LRRC4C: variants seen among roughly 807,000 people sequenced by gnomAD.
The protein encoded by LRRC4C is leucine rich repeat containing 4C.
LRRC4C carries 5 observed loss-of-function variants against 33.6 expected under a neutral mutation model. The ratio of observed to expected loss-of-function variants is 0.15; its 90% CI spans 0.08 to 0.31. The LOEUF is 0.31. LRRC4C is among the 10% of genes least tolerant of loss of function. The pLI is 1.00. For missense variants in LRRC4C, 560 were observed against 796.7 expected (o/e 0.70, Z 3.58); for synonymous variants, 329 against 302.0 (o/e 1.09, Z -0.93).
intron 1 of LRRC4C, among the ~76,000 whole-genome samples, chr11:41,384,599 T>C (rs1276097653): frequency 6.6e-6 from 1 of 151,308 alleles, no homozygotes; most frequent in Non-Finnish European, 1.5e-5. Flanking sequence ...CTAAATTCAA[T>C]GGTAATGTTT....
At chr11:40,825,692 G>C (rs1435510709) in intron 2 of LRRC4C, among the ~76,000 whole-genome samples, 3 of 151,714 alleles carry the variant, frequency 2.0e-5, no homozygotes, top group African/African-American at 7.3e-5. Context: ...GAGAATAGTA[G>C]AGTAAAACAG....
At chr11:40,782,074 T>A (rs1210378540) in intron 2 of LRRC4C, among the ~76,000 whole-genome samples, 1 of 152,222 alleles carries the variant, frequency 6.6e-6, no homozygotes, top group Non-Finnish European at 1.5e-5. Flanking sequence ...GCCTATTTTT[T>A]CTTCTTCCTT....
chr11:40,709,423 C>T (rs566217195), intron 2 of LRRC4C, among the ~76,000 whole-genome samples: 14 of 152,022 alleles, frequency 9.2e-5, no homozygotes, highest in Non-Finnish European at 1.9e-4. Context: ...CTCTCAGCAT[C>T]TGCTTGTCTG....
intron 1 of LRRC4C, among the ~76,000 whole-genome samples, chr11:41,285,436 T>G (rs909071774): frequency 7.9e-5 from 12 of 152,236 alleles, no homozygotes; most frequent in African/African-American, 2.9e-4. Context: ...TATTGATTAT[T>G]AAAAATTTGA....
chr11:40,952,112 G>C (rs938594975), intron 1 of LRRC4C, among the ~76,000 whole-genome samples: 1 of 151,770 alleles, frequency 6.6e-6, no homozygotes, highest in African/African-American at 2.4e-5. Flanking sequence ...TACTGTCCAA[G>C]GCATCTTACA....
At chr11:40,381,457 A>T (rs1948863725) in intron 3 of LRRC4C, among the ~76,000 whole-genome samples, 1 of 152,222 alleles carries the variant, frequency 6.6e-6, no homozygotes, top group South Asian at 2.1e-4. Context: ...TCTGCCGTCA[A>T]CCTTCAACAT....
At chr11:41,413,378 TAATGAAAAGTGGTTGG>T (rs1249353597) in intron 1 of LRRC4C, among the ~76,000 whole-genome samples, 1 of 152,178 alleles carries the variant, frequency 6.6e-6, no homozygotes, top group Admixed American at 6.5e-5. Flanking sequence ...ATTAGTTAAT[TAATGAAAAGTGGTTGG>T]AATGAAAAGT....
chr11:40,458,013 G>T (rs1489231945), intron 3 of LRRC4C, among the ~76,000 whole-genome samples: 3 of 152,086 alleles, frequency 2.0e-5, no homozygotes, highest in African/African-American at 7.2e-5. Context: ...TCTGCCTAAA[G>T]TAATGTAGAT....
chr11:41,446,864 C>A (rs1477575664), intron 1 of LRRC4C, among the ~76,000 whole-genome samples: 1 of 152,118 alleles, frequency 6.6e-6, no homozygotes, highest in Non-Finnish European at 1.5e-5. Context: ...TGTTGCTAGA[C>A]CATGTGCACC....
intron 3 of LRRC4C, among the ~76,000 whole-genome samples, chr11:40,564,314 G>T (rs1237512560): frequency 6.6e-6 from 1 of 152,170 alleles, no homozygotes; most frequent in Non-Finnish European, 1.5e-5. Context: ...GAGCAAAAAG[G>T]CTCATAGAGC....
intron 1 of LRRC4C, among the ~76,000 whole-genome samples, chr11:41,194,665 C>CA (rs555279945): frequency 1.0e-3 from 152 of 152,036 alleles, no homozygotes; most frequent in Non-Finnish European, 1.7e-3. Context: ...AAAACGATGC[C>CA]AAAAAACATG....
chr11:40,275,957 C>T (rs1451266094), intron 4 of LRRC4C, among the ~76,000 whole-genome samples: 1 of 151,930 alleles, frequency 6.6e-6, no homozygotes, highest in Non-Finnish European at 1.5e-5. Flanking sequence ...GCACATAGAA[C>T]AATTACTTAT....
chr11:40,366,111 G>C (rs1244963953), intron 3 of LRRC4C, among the ~76,000 whole-genome samples: 1 of 152,042 alleles, frequency 6.6e-6, no homozygotes, highest in Non-Finnish European at 1.5e-5. Flanking sequence ...AAAATGAGGA[G>C]ACAAAGTTAG....
intron 1 of LRRC4C, among the ~76,000 whole-genome samples, chr11:41,381,067 T>C (rs1953127577): frequency 6.6e-6 from 1 of 152,188 alleles, no homozygotes; most frequent in Middle Eastern, 3.4e-3. Flanking sequence ...ACTTGTAAAG[T>C]GGTTCCAGGC....
chr11:41,281,078 C>CTCTCTCTCCT (rs1491428513), intron 1 of LRRC4C, among the ~76,000 whole-genome samples: 9 of 83,142 alleles, frequency 1.1e-4, no homozygotes, highest in African/African-American at 3.2e-4. Context: ...CTCTCTCTGT[C>CTCTCTCTCCT]CTCTCTCTCT....
In LRRC4C at chr11:40,147,194, A is replaced by T. The variant is rs185513728; in HGVS notation, c.-95-6341T>A. On this transcript the variant is annotated intron_variant, in intron 5 of 6. Transcript: ENST00000528697. ...CTGACCGCCACTTGCAGGTAGAACA[A>T]ATCCTGGCCATCTTGTTAGGCCTAA... 2.1e-4 allele frequency among the ~76,000 whole-genome samples: 32 copies of T among 152,194 alleles called. 1 individual carries two copies. The highest frequency in any genetic ancestry group is 1.5e-3 in the Admixed American group (23 of 15,276).
intron 3 of LRRC4C, among the ~76,000 whole-genome samples, chr11:40,384,177 G>T (rs140062557): frequency 2.6e-5 from 4 of 151,842 alleles, no homozygotes; most frequent in African/African-American, 9.6e-5. Flanking sequence ...TGTATTGTAT[G>T]ATTTTAGAAT....
At chr11:40,879,031 C>T (rs1372998542) in intron 2 of LRRC4C, among the ~76,000 whole-genome samples, 31 of 152,086 alleles carry the variant, frequency 2.0e-4, no homozygotes, top group Non-Finnish European at 4.3e-4. Context: ...TAATTCATGA[C>T]GGACATCTTT....
chr11:40,265,092 C>T (rs768996188), intron 4 of LRRC4C, among the ~76,000 whole-genome samples: 11 of 152,140 alleles, frequency 7.2e-5, no homozygotes, highest in East Asian at 1.9e-4. Flanking sequence ...TCCTCACCCC[C>T]GCTCCCACTT....
Sources: gnomAD v4.1 joint callset for allele counts (sites outside exome capture counted in the v4.1 genomes callset) on GRCh38, gnomAD v4.1.1 for gene constraint, MANE v1.5 for transcripts, NCBI Gene and HGNC (gene_info 2026-07-23, HGNC 2026-07-21) for gene names.